UBAC2: variants seen among roughly 807,000 people sequenced by gnomAD.
The protein encoded by UBAC2 is ubiquitin-associated domain-containing protein 2.
In UBAC2, 26 loss-of-function variants were observed where a neutral mutation model predicts 44.0. The observed-to-expected ratio is 0.59, with a 90% CI of 0.43 to 0.82. The LOEUF (loss-of-function observed/expected upper bound fraction) is 0.82. Among genes scored for constraint, UBAC2 ranks in the 40% least tolerant of loss-of-function variants. The pLI is 0.00. For synonymous variants in UBAC2, 155 were observed against 154.3 expected (o/e 1.00, Z -0.04); for missense variants, 329 against 419.4 (o/e 0.78, Z 1.88).
chr13:99,217,316 T>TA (rs2043008475), intron 1 of UBAC2, among the ~76,000 whole-genome samples: 1 of 152,182 alleles, frequency 6.6e-6, no homozygotes, highest in South Asian at 2.1e-4. Context: ...TCGGATCTCT[T>TA]ACGCTTTTCT....
chr13:99,233,256 G>C (rs1427593499), intron 1 of UBAC2, among the ~76,000 whole-genome samples: 1 of 151,978 alleles, frequency 6.6e-6, no homozygotes, highest in Non-Finnish European at 1.5e-5. Flanking sequence ...GGGACTGCAG[G>C]CACGCACCAC....
intron 6 of UBAC2, among the ~76,000 whole-genome samples, chr13:99,338,057 T>TA (rs1566509574): frequency 6.9e-5 from 6 of 86,344 alleles, no homozygotes; most frequent in Non-Finnish European, 1.3e-4. Context: ...CTTTTTTTTT[T>TA]TTTTTTTTTT....
intron 1 of UBAC2, among the ~76,000 whole-genome samples, chr13:99,203,061 A>AT (rs771798615): frequency 7.3e-4 from 61 of 83,756 alleles, no homozygotes; most frequent in South Asian, 2.3e-3. Flanking sequence ...ATTTATTGAG[A>AT]TGGAGTCTCA....
At chr13:99,296,217 A>C in intron 4 of UBAC2, 1 of 1,413,762 alleles carries the variant, frequency 7.1e-7, no homozygotes, top group Non-Finnish European at 9.4e-7. Flanking sequence ...ATTCAGTTTG[A>C]TTACTCATTA....
intron 4 of UBAC2, among the ~76,000 whole-genome samples, chr13:99,309,464 T>C (rs1178865255): frequency 6.6e-6 from 1 of 152,180 alleles, no homozygotes; most frequent in Non-Finnish European, 1.5e-5. Context: ...ATGGGGTCAT[T>C]ATCCTGTAAG....
chr13:99,317,919 A>T, intron 5 of UBAC2, 103 bp from the exon 6 acceptor site: 1 of 876,764 alleles, frequency 1.1e-6, no homozygotes, highest in South Asian at 1.6e-5. Flanking sequence ...ATATATAATT[A>T]ATACTTTATA....
rs141704005 is a variant in UBAC2, at chr13:99,237,050, G to A, written c.32-1377G>A. ...AAAAGAAAGGAAATCAGTATTTCAA[G>A]GACATATCTGCACTTCCATGCTTAT... On this transcript the variant is annotated intron_variant, in intron 1 of 8. Transcript: ENST00000403766. 2.6e-5 allele frequency among the ~76,000 whole-genome samples: 4 copies of A among 152,134 alleles called. No homozygotes were observed. The East Asian group carries it at 7.7e-4, about 29-fold the overall frequency.
chr13:99,205,093 A>G (rs1418615050), intron 1 of UBAC2, among the ~76,000 whole-genome samples: 2 of 152,186 alleles, frequency 1.3e-5, no homozygotes, highest in East Asian at 3.9e-4. Context: ...TGCTAGAGAC[A>G]GGGTTTCACC....
At chr13:99,337,428 T>C (rs760862997) in intron 6 of UBAC2, among the ~76,000 whole-genome samples, 10 of 152,136 alleles carry the variant, frequency 6.6e-5, no homozygotes, top group Non-Finnish European at 1.2e-4. Flanking sequence ...TGTTATTTGC[T>C]AACAGTTTAT....
At chr13:99,220,428 CT>C (rs2043041195) in intron 1 of UBAC2, among the ~76,000 whole-genome samples, 1 of 152,166 alleles carries the variant, frequency 6.6e-6, no homozygotes, top group South Asian at 2.1e-4. Flanking sequence ...TCCACATATA[CT>C]GTAATATTTA....
chr13:99,327,311 C>T (rs1413519792), intron 6 of UBAC2, among the ~76,000 whole-genome samples: 4 of 152,128 alleles, frequency 2.6e-5, no homozygotes, highest in Admixed American at 6.5e-5. Context: ...AAGAAACACC[C>T]GTACTTTTAC....
intron 4 of UBAC2, among the ~76,000 whole-genome samples, chr13:99,288,464 G>A (rs1000664953): frequency 2.6e-5 from 4 of 152,178 alleles, no homozygotes; most frequent in Non-Finnish European, 4.4e-5. Flanking sequence ...AAACAAAAAG[G>A]AAATAATTTA....
intron 4 of UBAC2, among the ~76,000 whole-genome samples, chr13:99,290,927 C>G (rs1051033884): frequency 9.2e-5 from 14 of 151,928 alleles, no homozygotes; most frequent in Admixed American, 6.6e-5. Context: ...GAATTGAATT[C>G]AGATGTGGTG....
chr13:99,227,802 T>A (rs2043127680), intron 1 of UBAC2, among the ~76,000 whole-genome samples: 1 of 152,174 alleles, frequency 6.6e-6, no homozygotes, highest in East Asian at 1.9e-4. Flanking sequence ...ATTTAGAGAA[T>A]GATTGAGAAT....
chr13:99,343,729 C>T (rs2044929177), intron 7 of UBAC2, among the ~76,000 whole-genome samples: 1 of 152,232 alleles, frequency 6.6e-6, no homozygotes, highest in Admixed American at 6.5e-5. Flanking sequence ...CACTTAGCCT[C>T]CTGCTGAACT....
chr13:99,223,274 G>A (rs1306790125), intron 1 of UBAC2, among the ~76,000 whole-genome samples: 3 of 151,982 alleles, frequency 2.0e-5, no homozygotes, highest in Non-Finnish European at 2.9e-5. Flanking sequence ...ACATTGTTGT[G>A]CAACTTCTTA....
intron 5 of UBAC2, chr13:99,314,753 C>A (rs928956978): frequency 6.5e-6 from 1 of 152,672 alleles, no homozygotes; most frequent in Non-Finnish European, 1.5e-5. Context: ...GCTGTGAAGA[C>A]TACTAGAGTA....
At chr13:99,285,771 C>G (rs1025236774) in intron 4 of UBAC2, among the ~76,000 whole-genome samples, 3 of 152,170 alleles carry the variant, frequency 2.0e-5, no homozygotes, top group Non-Finnish European at 4.4e-5. Flanking sequence ...TGCTCTATTT[C>G]TTAAACTCCC....
intron 1 of UBAC2, among the ~76,000 whole-genome samples, chr13:99,216,703 G>T (rs1219058592): frequency 6.6e-6 from 1 of 152,112 alleles, no homozygotes. Flanking sequence ...TGTTTTGAGG[G>T]TTCTTTTATT....
Sources: gnomAD v4.1 joint callset for allele counts (sites outside exome capture counted in the v4.1 genomes callset) on GRCh38, gnomAD v4.1.1 for gene constraint, MANE v1.5 for transcripts, NCBI Gene and HGNC (gene_info 2026-07-23, HGNC 2026-07-21) for gene names.